Variants in TXNDC11 observed in about 807,000 individuals in gnomAD.
The protein encoded by TXNDC11 is thioredoxin domain-containing protein 11.
A neutral mutation model predicts 78.0 loss-of-function variants in TXNDC11; 68 were observed. The observed-to-expected ratio is 0.87, with a 90% CI of 0.72 to 1.07. TXNDC11 has a LOEUF of 1.07. TXNDC11 is among the 50% of genes least tolerant of loss of function. The pLI, the probability that TXNDC11 is intolerant of heterozygous loss-of-function variation, is 0.00. For synonymous variants in TXNDC11, 571 were observed against 495.2 expected (o/e 1.15, Z -2.03); for missense variants, 1,389 against 1,221.8 (o/e 1.14, Z -2.04).
intron 5 of TXNDC11, among the ~76,000 whole-genome samples, chr16:11,703,469 T>A (rs898422843): frequency 4.6e-5 from 7 of 151,366 alleles, no homozygotes; most frequent in African/African-American, 1.7e-4. Context: ...TGATGTTAAA[T>A]TGAAATCAGA....
At chr16:11,737,621 T>G (rs952716648) in intron 1 of TXNDC11, among the ~76,000 whole-genome samples, 36 of 151,292 alleles carry the variant, frequency 2.4e-4, no homozygotes, top group Non-Finnish European at 3.1e-4. Flanking sequence ...TCCAGCACTG[T>G]GGGAAGCCGA....
At chr16:11,692,416 T>A (rs920942662) in intron 7 of TXNDC11, among the ~76,000 whole-genome samples, 13 of 152,110 alleles carry the variant, frequency 8.5e-5, no homozygotes, top group African/African-American at 3.1e-4. Context: ...AAGTAACCCT[T>A]TATTTATTAG....
At chr16:11,703,630 A>C (rs1187298861) in intron 5 of TXNDC11, 7 of 700,640 alleles carry the variant, frequency 1.0e-5, no homozygotes, top group Non-Finnish European at 1.8e-5. Flanking sequence ...TCTACTGAGA[A>C]GACCTAGAAG....
chr16:11,733,993 C>T lies in TXNDC11; in HGVS notation c.558G>A (p.Leu186=), dbSNP rs767863483. 1 of 1,605,716 alleles carries T rather than the reference C, an allele frequency of 6.2e-7. No homozygotes were observed. The highest frequency in any genetic ancestry group is 1.3e-5 in the African/African-American group (1 of 74,568). ...TAAAAAGTTCTTACCTCCGATGATA[C>T]AGATATATTACAGGAAAATAAAAGA... ...KHFFYFPVIY[L]YHRSFGPIEY... is the part of the protein sequence containing the mutation. Residue 186 remains leucine, a synonymous_variant, in exon 3 of 12, where the codon CTG becomes CTA. Transcript: ENST00000283033.
chr16:11,709,725 G>A (rs1394218865), intron 5 of TXNDC11, among the ~76,000 whole-genome samples: 3 of 151,944 alleles, frequency 2.0e-5, no homozygotes, highest in African/African-American at 7.2e-5. Flanking sequence ...GTGAGCCACC[G>A]CGCCTGGCAG....
chr16:11,742,765 C>G lies in TXNDC11; in HGVS notation c.-35G>C, dbSNP rs768519090. On this transcript the variant is annotated 5_prime_UTR_variant, in exon 1 of 12. Transcript: ENST00000283033. ...CCAGTCGCCGGCTTTATACCGCCGC[C>G]GCCGCCTCGGGCCCGAAGGCCCGGC... is the stretch of plus-strand genomic sequence containing the variant. 2.1e-6 allele frequency: 3 copies of G among 1,428,430 alleles called. No homozygotes were observed. Among genetic ancestry groups the G allele is most frequent in the Non-Finnish European group, 2.7e-6 (3 of 1,098,894 alleles). 88.5% of individuals were successfully genotyped at this position (1,428,430 alleles called of 1,614,324 possible). A position where few individuals can be genotyped will look rare whatever the true frequency, so the allele number is the denominator to read the frequency against.
rs764540694 is a variant in TXNDC11, at chr16:11,679,327, C to T, written c.2745G>A (p.Ala915=). The change falls in exon 12 of 12, where the codon GCG becomes GCA. Residue 915 remains alanine (A), a synonymous_variant. Transcript: ENST00000283033. The surrounding 1 kb of genome is among the most constrained non-coding windows in gnomAD (Gnocchi z 4.6). ...LEGRDGAESL[A]AQREVHPKQP... ...GCTTGGGGTGGACCTCTCTCTGGGC[C>T]GCCAGGCTTTCAGCTCCATCCCTGC... The T allele has an allele frequency of 2.5e-5, 40 of 1,612,392 alleles. No individual in the cohort carries two copies. The highest frequency in any genetic ancestry group is 6.7e-5 in the East Asian group (3 of 44,864).
Position 11,712,237 on chromosome 16 carries a change from T to G in TXNDC11, c.793+9340A>C, listed in dbSNP as rs560048780. The stretch of plus-strand genomic sequence containing the variant: ...TGGGATCGAGGGATCAAAATCTCTC[T>G]AAATGAACACTAAATTTGGCTCTGA... On this transcript the variant is annotated intron_variant, in intron 5 of 11. Coordinates refer to ENST00000283033, the MANE Select transcript of TXNDC11 (RefSeq NM_015914.7). 2.7e-4 allele frequency among the ~76,000 whole-genome samples: 41 copies of G among 152,314 alleles called. No individual in the cohort carries two copies. In the Middle Eastern group the frequency reaches 0.01, roughly 38 times the overall value.
intron 5 of TXNDC11, among the ~76,000 whole-genome samples, chr16:11,708,607 G>C (rs1413315083): frequency 1.3e-5 from 2 of 152,104 alleles, no homozygotes; most frequent in Non-Finnish European, 2.9e-5. Flanking sequence ...TGGAATATCG[G>C]GTCAAGAAAA....
intron 5 of TXNDC11, among the ~76,000 whole-genome samples, chr16:11,708,843 A>T (rs1461989655): frequency 6.6e-6 from 1 of 152,222 alleles, no homozygotes; most frequent in Admixed American, 6.5e-5. Context: ...TGTTAATTTT[A>T]ACTTCTACTT....
At chr16:11,695,917 C>T (rs1410719125) in intron 7 of TXNDC11, among the ~76,000 whole-genome samples, 1 of 151,956 alleles carries the variant, frequency 6.6e-6, no homozygotes, top group Non-Finnish European at 1.5e-5. Context: ...CACCTGTAGT[C>T]CCAGCTACTT....
At chr16:11,690,702 G>A (rs562987062) in intron 8 of TXNDC11, 24 of 152,278 alleles carry the variant, frequency 1.6e-4, no homozygotes, top group Non-Finnish European at 2.6e-4. Context: ...ACAGGCGCCC[G>A]CCAACGCGCC....
intron 11 of TXNDC11, among the ~76,000 whole-genome samples, chr16:11,683,879 T>C (rs2050497669): frequency 6.7e-6 from 1 of 150,306 alleles, no homozygotes; most frequent in African/African-American, 2.5e-5. Context: ...AGCCTCAGAG[T>C]AGCTGGGATT....
chr16:11,732,305 T>C (rs1348796412), intron 3 of TXNDC11, among the ~76,000 whole-genome samples: 1 of 152,128 alleles, frequency 6.6e-6, no homozygotes, highest in Non-Finnish European at 1.5e-5. Context: ...TAATGTCACA[T>C]CACGTTATGT....
rs1050706984 is a variant in TXNDC11, at chr16:11,742,853, G to A, written c.-123C>T. ...CCGCTAACCCGGACGCTCCACGTCA[G>A]CCGCGCCGCCGCCGCGGGGTCCGCC... On this transcript the variant is annotated 5_prime_UTR_variant, in exon 1 of 12. Transcript: ENST00000283033. 1.4e-5 allele frequency: 18 copies of A among 1,298,556 alleles called. No individual in the cohort carries two copies. The highest frequency in any genetic ancestry group is 1.8e-5 in the Non-Finnish European group (18 of 1,022,144). 80.4% of individuals were successfully genotyped at this position (1,298,556 alleles called of 1,614,324 possible).
intron 7 of TXNDC11, among the ~76,000 whole-genome samples, chr16:11,695,819 G>A (rs1165744715): frequency 6.6e-6 from 1 of 152,096 alleles, no homozygotes; most frequent in Non-Finnish European, 1.5e-5. Flanking sequence ...GATCGCTTGA[G>A]CCCAGGGCTT....
intron 3 of TXNDC11, among the ~76,000 whole-genome samples, chr16:11,733,253 T>C (rs1358281593): frequency 6.7e-6 from 1 of 149,298 alleles, no homozygotes. Flanking sequence ...CTAAACTCTG[T>C]CTCAAAATAA....
chr16:11,734,202 A>C, intron 2 of TXNDC11, 123 bp from the exon 3 acceptor site: 1 of 725,250 alleles, frequency 1.4e-6, no homozygotes, highest in Non-Finnish European at 2.4e-6. Context: ...CTATGAAAAA[A>C]ACTGTTTTGA....
intron 2 of TXNDC11, among the ~76,000 whole-genome samples, chr16:11,734,717 G>A (rs1212930908): frequency 2.6e-5 from 4 of 152,198 alleles, no homozygotes; most frequent in East Asian, 3.8e-4. Flanking sequence ...CATGGGCAAC[G>A]TGAACTTTGT....
Sources: allele counts gnomAD v4.1 joint callset (sites outside exome capture counted in the v4.1 genomes callset), GRCh38; gene constraint gnomAD v4.1.1; non-coding constraint Gnocchi (gnomAD v3.1); transcripts MANE v1.5; gene names NCBI Gene and HGNC (gene_info 2026-07-23, HGNC 2026-07-21).